The following DLGAP2 variants were observed in gnomAD, a reference collection of about 807,000 sequenced individuals.
DLGAP2 encodes DLG associated protein 2, also known as disks large-associated protein 2.
DLGAP2 carries 26 observed loss-of-function variants against 100.3 expected under a neutral mutation model. The observed-to-expected ratio is 0.26, with a 90% confidence interval of 0.19 to 0.36. The LOEUF (loss-of-function observed/expected upper bound fraction) is 0.36. Among genes scored for constraint, DLGAP2 ranks in the 10% least tolerant of loss-of-function variants. The pLI, the probability that DLGAP2 is intolerant of heterozygous loss-of-function variation, is 1.00. For missense variants in DLGAP2, 1,858 were observed against 1,453.2 expected, an observed-to-expected ratio of 1.28 and a Z score of -4.53; for synonymous variants, 886 against 630.1, an observed-to-expected ratio of 1.41 and a Z score of -6.08.
chr8:1,327,226 A>G (rs1444668235), intron 3 of DLGAP2, among the ~76,000 whole-genome samples: 1 of 152,236 alleles, frequency 6.6e-6, no homozygotes, highest in Admixed American at 6.5e-5. Flanking sequence ...TTTTACAGGT[A>G]AGGCTGAGCT....
At chr8:1,173,868 C>T (rs1298026745) in intron 2 of DLGAP2, among the ~76,000 whole-genome samples, 2 of 152,216 alleles carry the variant, frequency 1.3e-5, no homozygotes, top group Admixed American at 6.5e-5. Context: ...CTTCGGCTCC[C>T]GCACGGTGCA....
Position 960,252 on chromosome 8 carries a change from T to TTTTTTTTTTTTTTTTTTTTTTTTC in DLGAP2, c.73+52286_73+52287insTTTTTTTTTTTTTTTTTTTTTTTC, listed in dbSNP as rs369284313. On this transcript the variant is annotated intron_variant, in intron 2 of 14. Transcript: ENST00000637795. ...TGAAGTATATCTTTTTTTTTTTTTTTCCCGAGACACTCTCACGCTGTCGTC... is the reference window on the plus strand; with the variant it reads ...TGAAGTATATCTTTTTTTTTTTTTTTTTTTTTTTTTTTTTTTTTTTTTTCCCCGAGACACTCTCACGCTGTCGTC... 5.9e-4 allele frequency among the ~76,000 whole-genome samples: 84 copies of TTTTTTTTTTTTTTTTTTTTTTTTC among 141,978 alleles called. 5 individuals are homozygous for TTTTTTTTTTTTTTTTTTTTTTTTC. Among genetic ancestry groups the TTTTTTTTTTTTTTTTTTTTTTTTC allele is most frequent in the African/African-American group, 2.2e-3 (81 of 36,146 alleles). The allele number at this position is 141,978 out of a possible 152,430, so 93.1% of individuals were successfully genotyped here.
At chr8:1,603,016 A>G (rs1225369681) in intron 6 of DLGAP2, among the ~76,000 whole-genome samples, 1 of 152,142 alleles carries the variant, frequency 6.6e-6, no homozygotes, top group Non-Finnish European at 1.5e-5. Flanking sequence ...TCAGTTCTGC[A>G]GAGGCTGGTT....
chr8:1,042,746 C>G (rs62488510), intron 2 of DLGAP2, among the ~76,000 whole-genome samples: 83,446 of 85,120 alleles, frequency 0.98, 40,894 homozygotes, highest in Middle Eastern at 0.99. Context: ...GGATGTGGGT[C>G]GTGGATGTAG....
Position 946,809 on chromosome 8 carries a change from A to G in DLGAP2, c.73+38843A>G, listed in dbSNP as rs575677358. Reference sequence around the variant, plus strand: ...CCCTTCTCATTACAAAAGAACTGCCATTACACACAGATAGAAACAGCAATA... The same window carrying G: ...CCCTTCTCATTACAAAAGAACTGCCGTTACACACAGATAGAAACAGCAATA... On this transcript the variant is annotated intron_variant, in intron 2 of 14. Transcript: ENST00000637795. 2.0e-5 allele frequency among the ~76,000 whole-genome samples: 3 copies of G among 152,292 alleles called. No individual in the cohort carries two copies. The South Asian group carries it at 6.2e-4, about 32-fold the overall frequency.
At chr8:1,174,131 A>G (rs1797197736) in intron 2 of DLGAP2, among the ~76,000 whole-genome samples, 1 of 152,130 alleles carries the variant, frequency 6.6e-6, no homozygotes, top group African/African-American at 2.4e-5. Context: ...GGGGAGATCT[A>G]AGTCGGGCTG....
Position 1,080,938 on chromosome 8 carries a change from A to G in DLGAP2, c.73+172972A>G, listed in dbSNP as rs143416586. Among the ~76,000 whole-genome samples, 86 of 152,326 alleles carry G rather than the reference A, an allele frequency of 5.6e-4. No individual in the cohort carries two copies. In the East Asian group the frequency reaches 0.015, roughly 27 times the overall value. On this transcript the variant is annotated intron_variant, in intron 2 of 14. Transcript: ENST00000637795. Reference sequence around the variant, plus strand: ...ATCTAGCACTAAAATATTTTTGAAAATGGAGAAGCCATCGATATCTTGATA... The same window carrying G: ...ATCTAGCACTAAAATATTTTTGAAAGTGGAGAAGCCATCGATATCTTGATA...
intron 2 of DLGAP2, among the ~76,000 whole-genome samples, chr8:1,072,054 G>C (rs1585033719): frequency 2.0e-5 from 3 of 152,234 alleles, no homozygotes; most frequent in African/African-American, 7.2e-5. Context: ...TCGGATCAGG[G>C]AGTGGATGAT....
At chr8:855,219 A>C (rs559851100) in intron 1 of DLGAP2, among the ~76,000 whole-genome samples, 63 of 152,342 alleles carry the variant, frequency 4.1e-4, no homozygotes, top group African/African-American at 1.4e-3. Flanking sequence ...CATTGACTCC[A>C]GCTATGTTAC....
At chr8:1,696,700 A>C (rs888476595) in intron 13 of DLGAP2, among the ~76,000 whole-genome samples, 8 of 152,226 alleles carry the variant, frequency 5.3e-5, no homozygotes, top group Non-Finnish European at 1.0e-4. Flanking sequence ...CATCACCGTA[A>C]GAACGAGAGC....
chr8:1,410,915 A>T (rs139612322), intron 3 of DLGAP2, among the ~76,000 whole-genome samples: 1 of 151,752 alleles, frequency 6.6e-6, no homozygotes, highest in African/African-American at 2.4e-5. Flanking sequence ...GAACATGTAA[A>T]TATCTTTACT....
intron 3 of DLGAP2, among the ~76,000 whole-genome samples, chr8:1,314,935 G>C (rs1800695858): frequency 6.6e-6 from 1 of 152,140 alleles, no homozygotes; most frequent in Admixed American, 6.5e-5. Context: ...TGCCCTACCG[G>C]GGAAGGCGCA....
chr8:1,670,249 A>G (rs1196612176), intron 10 of DLGAP2, among the ~76,000 whole-genome samples: 2 of 152,232 alleles, frequency 1.3e-5, no homozygotes, highest in Admixed American at 1.3e-4. Flanking sequence ...TGAGTGGGAC[A>G]TAATTTTGGA....
At chr8:1,224,392 A>G (rs570744372) in intron 2 of DLGAP2, among the ~76,000 whole-genome samples, 2 of 152,356 alleles carry the variant, frequency 1.3e-5, no homozygotes, top group South Asian at 4.1e-4. Flanking sequence ...GGCAGATAGA[A>G]AGCATCTTAA....
intron 6 of DLGAP2, among the ~76,000 whole-genome samples, chr8:1,577,661 C>A (rs1476889629): frequency 2.0e-5 from 3 of 152,006 alleles, no homozygotes; most frequent in African/African-American, 7.3e-5. Context: ...GGAAAGGCAT[C>A]CCTGCTGGAG....
intron 3 of DLGAP2, among the ~76,000 whole-genome samples, chr8:1,449,973 G>C (rs1173537160): frequency 4.4e-4 from 27 of 60,784 alleles, no homozygotes; most frequent in African/African-American, 1.8e-3. Context: ...GGGCGGCCTC[G>C]GTGACTGAGG....
chr8:789,544 T>C (rs1340613035), intron 1 of DLGAP2, among the ~76,000 whole-genome samples: 2 of 152,200 alleles, frequency 1.3e-5, no homozygotes, highest in East Asian at 3.8e-4. Context: ...CCAAACCATA[T>C]GAATTGTCTT....
chr8:1,645,894 G>A (rs981770333), intron 8 of DLGAP2, among the ~76,000 whole-genome samples: 1 of 152,158 alleles, frequency 6.6e-6, no homozygotes, highest in Non-Finnish European at 1.5e-5. Flanking sequence ...GGGAGTGGAC[G>A]TCTTGCTCCC....
At chr8:769,026 A>G (rs1821289316) in intron 1 of DLGAP2, among the ~76,000 whole-genome samples, 1 of 151,818 alleles carries the variant, frequency 6.6e-6, no homozygotes, top group African/African-American at 2.4e-5. Context: ...ACACCAAGGG[A>G]TTGTTTCGAG....
Sources: gnomAD v4.1 joint callset for allele counts (sites outside exome capture counted in the v4.1 genomes callset) on GRCh38, gnomAD v4.1.1 for gene constraint, MANE v1.5 for transcripts, NCBI Gene and HGNC (gene_info 2026-07-23, HGNC 2026-07-21) for gene names.